MEMO1: variants seen among roughly 807,000 people sequenced by gnomAD.
MEMO1 encodes the protein protein MEMO1.
Under a neutral mutation model 45.2 loss-of-function variants are expected in MEMO1, and 6 were observed. The observed-to-expected ratio is 0.13, with a 90% confidence interval of 0.07 to 0.26. The LOEUF is 0.26. Among genes scored for constraint, MEMO1 ranks in the 10% least tolerant of loss-of-function variants. MEMO1 has a pLI of 1.00. For missense variants in MEMO1, 184 were observed against 370.5 expected (o/e 0.50, Z 4.13); for synonymous variants, 78 against 124.3 (o/e 0.63, Z 2.48).
intron 6 of MEMO1, among the ~76,000 whole-genome samples, chr2:31,912,513 C>CAAAAA (rs752295550): frequency 1.7e-5 from 1 of 60,530 alleles, no homozygotes; most frequent in African/African-American, 5.9e-5. Context: ...AACTCTGTCT[C>CAAAAA]AAAAAAAAAA....
chr2:31,895,407 A>G (rs1677617398), intron 6 of MEMO1, among the ~76,000 whole-genome samples: 1 of 152,246 alleles, frequency 6.6e-6, no homozygotes, highest in African/African-American at 2.4e-5. Context: ...TAAATAGGGA[A>G]TATCAACAAA....
intron 8 of MEMO1, among the ~76,000 whole-genome samples, chr2:31,870,534 A>G (rs1351674657): frequency 6.6e-6 from 1 of 152,172 alleles, no homozygotes; most frequent in Non-Finnish European, 1.5e-5. Context: ...AAGTTAACAT[A>G]TTTTAATTAA....
intron 2 of MEMO1, chr2:31,963,047 C>G (rs755600459): frequency 1.5e-6 from 2 of 1,292,766 alleles, no homozygotes; most frequent in Admixed American, 2.9e-5. Flanking sequence ...ATTTCTTCTG[C>G]CTTCACCTTC....
chr2:31,931,227 C>G (rs1342515344), intron 4 of MEMO1, among the ~76,000 whole-genome samples: 1 of 152,096 alleles, frequency 6.6e-6, no homozygotes, highest in Non-Finnish European at 1.5e-5. Context: ...TGTTTTAAAA[C>G]TTTGAATGAA....
chr2:31,956,184 C>T (rs1217034363), intron 2 of MEMO1, among the ~76,000 whole-genome samples: 2 of 151,866 alleles, frequency 1.3e-5, no homozygotes, highest in Admixed American at 6.6e-5. Flanking sequence ...TTGGAGTTTA[C>T]AATTAGTCAG....
At chr2:31,962,635 C>T (rs1668137530) in intron 2 of MEMO1, among the ~76,000 whole-genome samples, 1 of 152,078 alleles carries the variant, frequency 6.6e-6, no homozygotes, top group South Asian at 2.1e-4. Context: ...TTACACCTTT[C>T]CAAATGAAAA....
chr2:31,891,151 T>C (rs1676915139), intron 7 of MEMO1, among the ~76,000 whole-genome samples: 1 of 152,196 alleles, frequency 6.6e-6, no homozygotes. Context: ...TCTTAAAAAT[T>C]ATGGTCTTAC....
At chr2:31,907,741 C>T (rs147002954) in intron 6 of MEMO1, among the ~76,000 whole-genome samples, 1 of 149,642 alleles carries the variant, frequency 6.7e-6, no homozygotes, top group African/African-American at 2.5e-5. Flanking sequence ...TGTGGTGAAC[C>T]GAGATCACAT....
chr2:31,991,684 A>AAC (rs1671973943), intron 2 of MEMO1, among the ~76,000 whole-genome samples: 1 of 2,880 alleles, frequency 3.5e-4, no homozygotes. Flanking sequence ...CCATAATTCA[A>AAC]ACATTTCCAA....
intron 2 of MEMO1, among the ~76,000 whole-genome samples, chr2:31,948,714 C>A (rs901091151): frequency 6.6e-6 from 1 of 152,294 alleles, no homozygotes; most frequent in African/African-American, 2.4e-5. Flanking sequence ...GCTTGGCCAA[C>A]GTGCCGAAAC....
intron 2 of MEMO1, among the ~76,000 whole-genome samples, chr2:31,960,692 T>G (rs1667912554): frequency 6.6e-6 from 1 of 152,034 alleles, no homozygotes; most frequent in Non-Finnish European, 1.5e-5. Flanking sequence ...TTCAAGCAAT[T>G]CTTGTGCCTC....
chr2:31,877,681 C>T (rs1427844909), intron 8 of MEMO1, among the ~76,000 whole-genome samples: 1 of 152,168 alleles, frequency 6.6e-6, no homozygotes, highest in Non-Finnish European at 1.5e-5. Flanking sequence ...GTCACTAATA[C>T]ATACGTGTGT....
chr2:32,007,936 C>T (rs1466925089), intron 2 of MEMO1, among the ~76,000 whole-genome samples: 1 of 152,060 alleles, frequency 6.6e-6, no homozygotes, highest in African/African-American at 2.4e-5. Context: ...TTAAAAAGTC[C>T]CACACTGACT....
At chr2:31,904,010 G>A (rs1204588848) in intron 6 of MEMO1, among the ~76,000 whole-genome samples, 1 of 152,112 alleles carries the variant, frequency 6.6e-6, no homozygotes, top group Non-Finnish European at 1.5e-5. Flanking sequence ...AATCAGAAAG[G>A]AAAGTAAAAA....
Position 32,007,993 on chromosome 2 carries a change from T to A in MEMO1, c.61+2194A>T, listed in dbSNP as rs76259086. Among the ~76,000 whole-genome samples, 1,109 of 152,288 alleles carry A rather than the reference T, an allele frequency of 7.3e-3. 14 individuals carry two copies. The highest frequency in any genetic ancestry group is 0.026 in the African/African-American group (1,071 of 41,568). On this transcript the variant is annotated intron_variant, in intron 2 of 9. Coordinates refer to ENST00000404530, the MANE Select transcript of MEMO1 (RefSeq NM_001301833.4). ...CTGGCCTTAATTTTAAGGTTCTCTG[T>A]GACAATGCACATTACCAAAAATGGC...
chr2:31,895,515 A>C (rs942344156), intron 6 of MEMO1, among the ~76,000 whole-genome samples: 4 of 152,224 alleles, frequency 2.6e-5, no homozygotes, highest in Non-Finnish European at 5.9e-5. Flanking sequence ...GATGGTCTGA[A>C]GAGCAGATTT....
At chr2:31,894,765 A>T (rs1238605302) in intron 6 of MEMO1, among the ~76,000 whole-genome samples, 1 of 152,204 alleles carries the variant, frequency 6.6e-6, no homozygotes, top group Non-Finnish European at 1.5e-5. Context: ...AATAAAAAGT[A>T]AAAGAAACAA....
chr2:31,983,396 G>A (rs1670890770), intron 2 of MEMO1, among the ~76,000 whole-genome samples: 1 of 152,158 alleles, frequency 6.6e-6, no homozygotes, highest in Non-Finnish European at 1.5e-5. Flanking sequence ...GTGATACCCA[G>A]TAGCCATTAA....
At chr2:32,005,729 C>T (rs986244748) in intron 2 of MEMO1, among the ~76,000 whole-genome samples, 1 of 152,154 alleles carries the variant, frequency 6.6e-6, no homozygotes, top group Admixed American at 6.5e-5. Context: ...CAATACTTCC[C>T]ACTTGCTAAT....
Sources: gnomAD v4.1 joint callset for allele counts (sites outside exome capture counted in the v4.1 genomes callset) on GRCh38, gnomAD v4.1.1 for gene constraint, MANE v1.5 for transcripts, NCBI Gene and HGNC (gene_info 2026-07-23, HGNC 2026-07-21) for gene names.